Variants in TASP1 observed in about 807,000 individuals in gnomAD.
The protein encoded by TASP1 is taspase 1.
A neutral mutation model predicts 56.6 loss-of-function variants in TASP1; 16 were observed. The ratio of observed to expected loss-of-function variants is 0.28; its 90% confidence interval spans 0.19 to 0.43. The LOEUF is 0.43. Ranked by LOEUF, TASP1 falls within the 20% of genes least tolerant of loss-of-function variation. The pLI is 1.00. For synonymous variants in TASP1, 179 were observed against 184.2 expected (o/e 0.97, Z 0.23); for missense variants, 393 against 511.6 (o/e 0.77, Z 2.24).
chr20:13,524,768 C>A (rs2044907350), intron 10 of TASP1, among the ~76,000 whole-genome samples: 1 of 152,134 alleles, frequency 6.6e-6, no homozygotes, highest in Non-Finnish European at 1.5e-5. Context: ...GCATTACATG[C>A]CTGGTGGCAG....
At chr20:13,231,451 T>A in the TASP1 span, among the ~76,000 whole-genome samples, 2 of 152,174 alleles carry the variant, frequency 1.3e-5, no homozygotes, top group South Asian at 4.1e-4. Context: ...GAGATGCTGA[T>A]CCCATGGTCC....
chr20:13,519,496 T>C (rs2044658681), intron 10 of TASP1, among the ~76,000 whole-genome samples: 1 of 152,148 alleles, frequency 6.6e-6, no homozygotes, highest in South Asian at 2.1e-4. Flanking sequence ...TAATCCAGCA[T>C]ATAAACAGAA....
At chr20:13,371,867 A>T in the TASP1 span, among the ~76,000 whole-genome samples, 21 of 152,302 alleles carry the variant, frequency 1.4e-4, no homozygotes, top group Non-Finnish European at 2.8e-4. Flanking sequence ...ATTCCTAATG[A>T]ATTGATCCTC....
intron 7 of TASP1, among the ~76,000 whole-genome samples, chr20:13,559,515 A>C (rs988954349): frequency 4.6e-5 from 7 of 152,138 alleles, no homozygotes; most frequent in African/African-American, 1.4e-4. Context: ...TGATATTCCC[A>C]GTGAATGGGC....
the TASP1 span, chr20:13,270,445 G>T: frequency 6.5e-7 from 1 of 1,545,892 alleles, no homozygotes; most frequent in Non-Finnish European, 8.7e-7. Context: ...GACTGTTAAG[G>T]GTGACATTTT....
chr20:13,503,426 A>G (rs1272279419), intron 10 of TASP1, among the ~76,000 whole-genome samples: 1 of 152,202 alleles, frequency 6.6e-6, no homozygotes, highest in African/African-American at 2.4e-5. Context: ...GCGTAAAAAA[A>G]AGGTTTAAGA....
At chr20:13,200,025 A>C in the TASP1 span, among the ~76,000 whole-genome samples, 1 of 152,242 alleles carries the variant, frequency 6.6e-6, no homozygotes, top group African/African-American at 2.4e-5. Context: ...AAATAGATAA[A>C]GTCACAAGTT....
At chr20:13,603,099 C>T (rs1039335396) in intron 4 of TASP1, among the ~76,000 whole-genome samples, 3 of 151,932 alleles carry the variant, frequency 2.0e-5, no homozygotes, top group Non-Finnish European at 2.9e-5. Flanking sequence ...GGCATGGTGG[C>T]GTGCATCTGT....
the TASP1 span, among the ~76,000 whole-genome samples, chr20:13,266,336 T>C: frequency 2.6e-5 from 4 of 152,134 alleles, no homozygotes; most frequent in Admixed American, 6.5e-5. Context: ...TCTAAAATAA[T>C]AGAAGGAGAG....
chr20:13,550,206 GTCA>G (rs879437492), intron 8 of TASP1, among the ~76,000 whole-genome samples: 4 of 147,628 alleles, frequency 2.7e-5, no homozygotes, highest in Non-Finnish European at 4.5e-5. Flanking sequence ...CAATTGTCCA[GTCA>G]TCAAAGGTCG....
At chr20:13,364,718 G>T in the TASP1 span, among the ~76,000 whole-genome samples, 4 of 151,898 alleles carry the variant, frequency 2.6e-5, no homozygotes, top group Admixed American at 6.6e-5. Context: ...TGAAAGAAAA[G>T]AGAACTTGAA....
the TASP1 span, among the ~76,000 whole-genome samples, chr20:13,293,690 T>C: frequency 3.9e-5 from 6 of 152,034 alleles, no homozygotes; most frequent in African/African-American, 1.4e-4. Flanking sequence ...GAAAAGAAAA[T>C]GGTCTGGGCA....
chr20:13,603,212 T>A (rs1244173503), intron 4 of TASP1, among the ~76,000 whole-genome samples: 1 of 146,968 alleles, frequency 6.8e-6, no homozygotes, highest in African/African-American at 2.5e-5. Flanking sequence ...GCCTGGGAGA[T>A]AAATTAAGAC....
intron 4 of TASP1, among the ~76,000 whole-genome samples, chr20:13,590,442 T>C (rs1432153897): frequency 6.6e-6 from 1 of 151,828 alleles, no homozygotes; most frequent in Non-Finnish European, 1.5e-5. Flanking sequence ...AACGCAGAAA[T>C]GACAACAATG....
chr20:13,442,626 A>T (rs2043260902), intron 11 of TASP1, among the ~76,000 whole-genome samples: 1 of 151,454 alleles, frequency 6.6e-6, no homozygotes, highest in African/African-American at 2.5e-5. Context: ...TGGGCAACAG[A>T]GCAAGACTCT....
At chr20:13,492,924 A>C (rs745536498) in intron 10 of TASP1, among the ~76,000 whole-genome samples, 24 of 152,096 alleles carry the variant, frequency 1.6e-4, no homozygotes, top group Non-Finnish European at 2.8e-4. Context: ...AGTTATGATT[A>C]AACACAGATA....
the TASP1 span, among the ~76,000 whole-genome samples, chr20:13,125,504 T>C: frequency 1.3e-5 from 2 of 152,202 alleles, no homozygotes; most frequent in Non-Finnish European, 2.9e-5. Flanking sequence ...AAATTTGGTG[T>C]CTAAAAACAC....
chr20:13,361,882 T>C, the TASP1 span, among the ~76,000 whole-genome samples: 3,117 of 151,966 alleles, frequency 0.021, 85 homozygotes, highest in Admixed American at 0.068. Context: ...TCCTTAGGCA[T>C]TCTCTAATCA....
At chr20:13,628,217 C>G (rs2048966817) in intron 2 of TASP1, among the ~76,000 whole-genome samples, 1 of 152,264 alleles carries the variant, frequency 6.6e-6, no homozygotes, top group East Asian at 1.9e-4. Flanking sequence ...ACAGGAGGGA[C>G]AGGGTCATAA....
Sources: allele counts gnomAD v4.1 joint callset (sites outside exome capture counted in the v4.1 genomes callset), GRCh38; gene constraint gnomAD v4.1.1; transcripts MANE v1.5; gene names NCBI Gene and HGNC (gene_info 2026-07-23, HGNC 2026-07-21).